The following COL23A1 variants were observed in gnomAD, a reference collection of about 807,000 sequenced individuals.
The protein encoded by COL23A1 is collagen alpha-1(XXIII) chain.
COL23A1 carries 97 observed loss-of-function variants against 99.3 expected under a neutral mutation model. The ratio of observed to expected loss-of-function variants is 0.98; its 90% confidence interval spans 0.83 to 1.16. The LOEUF (loss-of-function observed/expected upper bound fraction) is 1.16. Among genes scored for constraint, COL23A1 ranks in the 50% most tolerant of loss-of-function variants. The pLI, the probability that COL23A1 is intolerant of heterozygous loss-of-function variation, is 0.00. For missense variants in COL23A1, 762 were observed against 757.4 expected, an observed-to-expected ratio of 1.01 and a Z score of -0.07; for synonymous variants, 320 against 308.2, an observed-to-expected ratio of 1.04 and a Z score of -0.40.
chr5:178,391,884 T>C (rs1015465316), intron 2 of COL23A1, among the ~76,000 whole-genome samples: 1 of 111,260 alleles, frequency 9.0e-6, no homozygotes. Context: ...CAATGAAACA[T>C]TATTTGAGAC....
At chr5:178,446,544 A>T (rs1050187026) in intron 2 of COL23A1, among the ~76,000 whole-genome samples, 15 of 152,080 alleles carry the variant, frequency 9.9e-5, no homozygotes, top group South Asian at 2.1e-4. Context: ...AGGAGAAAAA[A>T]TTTTTTTTCT....
intron 2 of COL23A1, among the ~76,000 whole-genome samples, chr5:178,446,760 G>C (rs1204623920): frequency 6.6e-6 from 1 of 152,142 alleles, no homozygotes; most frequent in African/African-American, 2.4e-5. Context: ...TACTGAAACA[G>C]TTATGCACAT....
intron 2 of COL23A1, among the ~76,000 whole-genome samples, chr5:178,487,116 C>T (rs1757672628): frequency 7.1e-6 from 1 of 141,374 alleles, no homozygotes; most frequent in African/African-American, 3.0e-5. Flanking sequence ...GGGGCCAGGT[C>T]CAAGTCCCAG....
rs538062807 is a variant in COL23A1 at position 178,365,571 on chromosome 5, C to T, written c.362-58652G>A. Among the ~76,000 whole-genome samples the T allele has an allele frequency of 6.6e-5, 10 of 152,180 alleles. No individual in the cohort carries two copies. Among genetic ancestry groups the T allele is most frequent in the African/African-American group, 2.4e-4 (10 of 41,432 alleles). ...AGGGGTCCTCAGGTCTGGCTGGGCCCACCTGGCTGCTTCCTGGTCTCTACC... is the reference window on the plus strand; with the variant it reads ...AGGGGTCCTCAGGTCTGGCTGGGCCTACCTGGCTGCTTCCTGGTCTCTACC... On this transcript the variant is annotated intron_variant, in intron 2 of 28. Coordinates refer to ENST00000390654, the MANE Select transcript of COL23A1 (RefSeq NM_173465.4). This position sits in a 1 kb window ranked among gnomAD's most constrained non-coding sequence, Gnocchi z 5.2.
chr5:178,326,806 G>A (rs1463385584), intron 2 of COL23A1, among the ~76,000 whole-genome samples: 1 of 152,182 alleles, frequency 6.6e-6, no homozygotes, highest in Non-Finnish European at 1.5e-5. Context: ...TGCAACCTCT[G>A]CCTCCTGGGT....
chr5:178,441,739 G>A (rs1006861514), intron 2 of COL23A1, among the ~76,000 whole-genome samples: 4 of 152,134 alleles, frequency 2.6e-5, no homozygotes, highest in African/African-American at 9.7e-5. Flanking sequence ...ATGACGCGGG[G>A]TGGGCAGAAT....
chr5:178,521,484 C>T (rs758620825), intron 2 of COL23A1, among the ~76,000 whole-genome samples: 4 of 146,600 alleles, frequency 2.7e-5, no homozygotes, highest in Admixed American at 7.1e-5. Context: ...ACCCAGCAGG[C>T]GGAGCTTGCA....
intron 2 of COL23A1, among the ~76,000 whole-genome samples, chr5:178,535,737 G>A (rs779638678): frequency 1.4e-4 from 21 of 152,264 alleles, no homozygotes; most frequent in Admixed American, 8.5e-4. Context: ...TGCCCAGCAC[G>A]AAGTGCACAG....
intron 2 of COL23A1, among the ~76,000 whole-genome samples, chr5:178,417,525 C>T (rs1158954726): frequency 6.6e-6 from 1 of 152,204 alleles, no homozygotes. Context: ...AAAACCACAG[C>T]CCTGCCTCCC....
intron 2 of COL23A1, among the ~76,000 whole-genome samples, chr5:178,433,658 A>G (rs1263270988): frequency 6.6e-6 from 1 of 152,204 alleles, no homozygotes; most frequent in Non-Finnish European, 1.5e-5. Context: ...AGACACTCCT[A>G]TCACTCTGAA....
At chr5:178,461,208 T>TC (rs1423566350) in intron 2 of COL23A1, among the ~76,000 whole-genome samples, 4 of 152,170 alleles carry the variant, frequency 2.6e-5, no homozygotes, top group Non-Finnish European at 5.9e-5. Context: ...ACAAGGACTC[T>TC]CCACAGGAGC....
intron 2 of COL23A1, among the ~76,000 whole-genome samples, chr5:178,556,460 T>TA (rs1335851599): frequency 6.6e-6 from 1 of 150,486 alleles, no homozygotes; most frequent in African/African-American, 2.5e-5. Flanking sequence ...CCGTCTCTAA[T>TA]AAAAATACAA....
intron 2 of COL23A1, chr5:178,344,730 GAC>G (rs1392616260): frequency 8.4e-6 from 3 of 355,164 alleles, no homozygotes; most frequent in Non-Finnish European, 1.6e-5. Flanking sequence ...TGAAACCAGA[GAC>G]ACAGAACCTA....
chr5:178,296,105 T>G (rs563459153), intron 3 of COL23A1, among the ~76,000 whole-genome samples: 1 of 152,346 alleles, frequency 6.6e-6, no homozygotes, highest in Admixed American at 6.5e-5. Flanking sequence ...GAGAAAGCTC[T>G]GTGTCTTTGC....
At chr5:178,251,315 C>T (rs1440210335) in intron 17 of COL23A1, among the ~76,000 whole-genome samples, 1 of 152,006 alleles carries the variant, frequency 6.6e-6, no homozygotes, top group Admixed American at 6.6e-5. Context: ...GCCACCGTGC[C>T]CGGCCGCAAG....
intron 2 of COL23A1, among the ~76,000 whole-genome samples, chr5:178,358,391 ATGTGTATGTGTATG>A (rs1442265734): frequency 7.3e-5 from 9 of 123,294 alleles, no homozygotes; most frequent in African/African-American, 2.1e-4. Context: ...TAATGTGTGT[ATGTGTATGTGTATG>A]TGTGTATGTG....
chr5:178,265,910 C>A (rs556307276), intron 8 of COL23A1: 2 of 155,702 alleles, frequency 1.3e-5, no homozygotes, highest in Middle Eastern at 3.0e-3. Context: ...CCAGCATCCA[C>A]GCCACCTGCG....
At chr5:178,299,298 A>G (rs1490597670) in intron 3 of COL23A1, among the ~76,000 whole-genome samples, 1 of 152,056 alleles carries the variant, frequency 6.6e-6, no homozygotes. Context: ...TCTTTGTAAG[A>G]AGTTTTTTGA....
rs1055099305 is a variant in COL23A1 at position 178,307,332 on chromosome 5, A to G, written c.362-413T>C. On this transcript the variant is annotated intron_variant, in intron 2 of 28. Coordinates refer to ENST00000390654, the MANE Select transcript of COL23A1 (RefSeq NM_173465.4). The surrounding 1 kb of genome is among the most constrained non-coding windows in gnomAD (Gnocchi z 4.2). Reference sequence around the variant, plus strand: ...GGAAAGCCCTGACAAACGCTGCTTCATATTCACTAAAGTAAAACAACAAAG... The same window carrying G: ...GGAAAGCCCTGACAAACGCTGCTTCGTATTCACTAAAGTAAAACAACAAAG... 8.5e-5 allele frequency among the ~76,000 whole-genome samples: 13 copies of G among 152,350 alleles called. No homozygotes were observed. Among genetic ancestry groups the G allele is most frequent in the African/African-American group, 2.6e-4 (11 of 41,582 alleles).
Sources: allele counts gnomAD v4.1 joint callset (sites outside exome capture counted in the v4.1 genomes callset), GRCh38; gene constraint gnomAD v4.1.1; non-coding constraint Gnocchi (gnomAD v3.1); transcripts MANE v1.5; gene names NCBI Gene and HGNC (gene_info 2026-07-23, HGNC 2026-07-21).